ATP10B: variants seen among roughly 807,000 people sequenced by gnomAD.
The protein encoded by ATP10B is ATPase phospholipid transporting 10B (putative).
Under a neutral mutation model 141.2 loss-of-function variants are expected in ATP10B, and 122 were observed. That is an observed-to-expected ratio of 0.86 (90% CI 0.75 to 1.00). The LOEUF is 1.00. Among genes scored for constraint, ATP10B ranks in the 50% least tolerant of loss-of-function variants. ATP10B has a pLI of 0.00. For synonymous variants in ATP10B, 685 were observed against 692.0 expected (o/e 0.99, Z 0.16); for missense variants, 1,876 against 1,825.3 (o/e 1.03, Z -0.51).
chr5:160,620,301 A>C, intron 15 of ATP10B, 46 bp downstream of exon 15: 1 of 1,542,130 alleles, frequency 6.5e-7, no homozygotes, highest in Non-Finnish European at 8.7e-7. Context: ...TGCTTCTTAA[A>C]CTATAGAACT....
intron 1 of ATP10B, among the ~76,000 whole-genome samples, chr5:160,798,425 A>G (rs1772114062): frequency 6.6e-6 from 1 of 152,190 alleles, no homozygotes; most frequent in South Asian, 2.1e-4. Context: ...AAGAAGAGAA[A>G]ACAGATGCAG....
upstream of ATP10B, among the ~76,000 whole-genome samples, chr5:160,854,399 T>A (rs1330800287): frequency 6.6e-6 from 1 of 152,074 alleles, no homozygotes; most frequent in East Asian, 1.9e-4. Context: ...ATTGTTCAAC[T>A]CCCACTTATG....
At chr5:160,603,757 G>C in intron 20 of ATP10B, 1 of 529,520 alleles carries the variant, frequency 1.9e-6, no homozygotes, top group Non-Finnish European at 3.4e-6. Flanking sequence ...AAGTTAGTTT[G>C]CTTCTTCCAA....
intron 2 of ATP10B, among the ~76,000 whole-genome samples, chr5:160,729,404 G>A (rs1167711756): frequency 6.6e-6 from 1 of 152,020 alleles, no homozygotes; most frequent in Non-Finnish European, 1.5e-5. Flanking sequence ...TTCCACCTTT[G>A]TGTCAGCTGC....
intron 1 of ATP10B, among the ~76,000 whole-genome samples, chr5:160,829,852 G>C (rs1377844587): frequency 3.9e-5 from 6 of 152,046 alleles, no homozygotes; most frequent in South Asian, 4.1e-4. Context: ...TTGCCTTCTG[G>C]GGGAGTCCTT....
At chr5:160,787,122 A>ACAC (rs1771216197) in intron 1 of ATP10B, among the ~76,000 whole-genome samples, 1 of 124,822 alleles carries the variant, frequency 8.0e-6, no homozygotes, top group Non-Finnish European at 1.8e-5. Context: ...ACACACACAC[A>ACAC]CACACACACA....
intron 24 of ATP10B, among the ~76,000 whole-genome samples, chr5:160,585,110 A>G (rs904821062): frequency 8.5e-5 from 13 of 152,072 alleles, no homozygotes; most frequent in Non-Finnish European, 1.5e-5. Flanking sequence ...TTTCCTCCTG[A>G]TATTCCTATT....
chr5:160,924,573 T>C, the ATP10B span, among the ~76,000 whole-genome samples: 1 of 152,178 alleles, frequency 6.6e-6, no homozygotes, highest in African/African-American at 2.4e-5. Flanking sequence ...CATGGTGCAG[T>C]GATCGTGTGC....
chr5:160,661,881 T>A (rs917656421), intron 7 of ATP10B, among the ~76,000 whole-genome samples: 1 of 152,200 alleles, frequency 6.6e-6, no homozygotes, highest in Non-Finnish European at 1.5e-5. Flanking sequence ...GGTGACATGA[T>A]TGTATATCTA....
At chr5:160,615,458 T>C (rs1233322403) in intron 17 of ATP10B, among the ~76,000 whole-genome samples, 1 of 151,188 alleles carries the variant, frequency 6.6e-6, no homozygotes, top group Non-Finnish European at 1.5e-5. Flanking sequence ...GTATCCTCAC[T>C]AGACTCCAAG....
chr5:160,685,014 A>G, intron 6 of ATP10B: 1 of 703,534 alleles, frequency 1.4e-6, no homozygotes, highest in Non-Finnish European at 2.6e-6. Context: ...TGCCCACAAA[A>G]TAGAGATTGG....
intron 15 of ATP10B, among the ~76,000 whole-genome samples, chr5:160,619,303 C>G (rs1243253540): frequency 6.6e-6 from 1 of 152,172 alleles, no homozygotes; most frequent in Admixed American, 6.5e-5. Flanking sequence ...AGTTTTGCTT[C>G]TCAATTCTTA....
At chr5:160,869,726 C>T in the ATP10B span, among the ~76,000 whole-genome samples, 1 of 152,094 alleles carries the variant, frequency 6.6e-6, no homozygotes, top group Admixed American at 6.6e-5. Flanking sequence ...GGAAAACAGA[C>T]TCACAGGAAG....
chr5:160,575,986 T>C (rs74606224), intron 24 of ATP10B, among the ~76,000 whole-genome samples: 3,431 of 152,272 alleles, frequency 0.023, 119 homozygotes, highest in African/African-American at 0.076. Flanking sequence ...CGGCAAGAAA[T>C]TGCCAGTTGC....
At chr5:160,822,358 A>T (rs537115269) in intron 1 of ATP10B, among the ~76,000 whole-genome samples, 1 of 152,258 alleles carries the variant, frequency 6.6e-6, no homozygotes, top group South Asian at 2.1e-4. Context: ...AAAAGCCAAA[A>T]TAAGAAATGC....
At chr5:160,784,828 G>C (rs1406867417) in intron 2 of ATP10B, among the ~76,000 whole-genome samples, 2 of 152,200 alleles carry the variant, frequency 1.3e-5, no homozygotes, top group East Asian at 3.9e-4. Flanking sequence ...TCATCTTATA[G>C]TAGATACTAT....
chr5:160,695,148 G>T (rs1003260807), intron 3 of ATP10B, among the ~76,000 whole-genome samples: 3 of 152,172 alleles, frequency 2.0e-5, no homozygotes, highest in African/African-American at 7.2e-5. Flanking sequence ...TTATTGTAAG[G>T]ATTAAAGGCA....
intron 18 of ATP10B, 112 bp downstream of exon 18, chr5:160,612,629 T>C (rs1757777804): frequency 2.4e-6 from 2 of 845,136 alleles, no homozygotes; most frequent in Admixed American, 2.7e-5. Context: ...CTGTTGGGGG[T>C]TGGGTGCTTC....
intron 3 of ATP10B, among the ~76,000 whole-genome samples, chr5:160,692,411 A>T (rs1764125430): frequency 6.6e-6 from 1 of 152,200 alleles, no homozygotes; most frequent in Non-Finnish European, 1.5e-5. Flanking sequence ...GGCTAACAAG[A>T]ATTCTGGACA....
Sources: allele counts gnomAD v4.1 joint callset (sites outside exome capture counted in the v4.1 genomes callset), GRCh38; gene constraint gnomAD v4.1.1; transcripts MANE v1.5; gene names NCBI Gene and HGNC (gene_info 2026-07-23, HGNC 2026-07-21).